The following GRIK2 variants were observed in gnomAD, a reference collection of about 807,000 sequenced individuals.
GRIK2 encodes glutamate ionotropic receptor kainate type subunit 2, also known as glutamate receptor ionotropic, kainate 2.
A neutral mutation model predicts 100.3 loss-of-function variants in GRIK2; 32 were observed. The ratio of observed to expected loss-of-function variants is 0.32; its 90% confidence interval spans 0.24 to 0.43. GRIK2 has a LOEUF of 0.43. GRIK2 is among the 20% of genes least tolerant of loss of function. The pLI, the probability that GRIK2 is intolerant of heterozygous loss-of-function variation, is 1.00. For missense variants in GRIK2, 843 were observed against 1,114.9 expected (o/e 0.76, Z 3.47); for synonymous variants, 417 against 389.4 (o/e 1.07, Z -0.83).
chr6:101,759,854 T>A (rs1409962404), intron 7 of GRIK2, among the ~76,000 whole-genome samples: 2 of 130,946 alleles, frequency 1.5e-5, no homozygotes, highest in African/African-American at 3.5e-5. Flanking sequence ...CATTTTATTT[T>A]TTTTATTTTT....
chr6:101,432,345 T>C lies in GRIK2; in HGVS notation c.115+32953T>C, dbSNP rs529834752. Among the ~76,000 whole-genome samples the C allele has an allele frequency of 5.3e-5, 8 of 152,322 alleles. No individual in the cohort carries two copies. In the South Asian group the frequency reaches 1.7e-3, roughly 32 times the overall value. The stretch of plus-strand genomic sequence containing the variant: ...GCTTACTAGAAAGATGAGTCTTTGC[T>C]CTTACGGAATTCTAGTGTCTTAATC... On this transcript the variant is annotated intron_variant, in intron 2 of 16. Coordinates refer to ENST00000369134, the MANE Select transcript of GRIK2 (RefSeq NM_021956.5).
chr6:101,442,475 T>A (rs1041555634), intron 2 of GRIK2, among the ~76,000 whole-genome samples: 2 of 152,138 alleles, frequency 1.3e-5, no homozygotes, highest in South Asian at 4.1e-4. Flanking sequence ...AGCCCTTTTT[T>A]ACTTGGCTGT....
intron 4 of GRIK2, among the ~76,000 whole-genome samples, chr6:101,632,048 C>T (rs1780767864): frequency 6.6e-6 from 1 of 152,060 alleles, no homozygotes; most frequent in East Asian, 1.9e-4. Context: ...TTCTGTTTAC[C>T]TGGGAAGCTC....
intron 11 of GRIK2, among the ~76,000 whole-genome samples, chr6:101,886,272 C>T (rs1786607684): frequency 6.6e-6 from 1 of 152,042 alleles, no homozygotes; most frequent in Non-Finnish European, 1.5e-5. Context: ...GGCTTGAAAG[C>T]TCATTTATTT....
intron 2 of GRIK2, among the ~76,000 whole-genome samples, chr6:101,490,854 G>T (rs1431729645): frequency 6.8e-6 from 1 of 146,482 alleles, no homozygotes; most frequent in Admixed American, 6.8e-5. Context: ...TCCTTCACAT[G>T]AAATTCTTTT....
chr6:101,932,749 G>A (rs1790370948), intron 14 of GRIK2, among the ~76,000 whole-genome samples: 2 of 151,730 alleles, frequency 1.3e-5, no homozygotes, highest in Admixed American at 6.6e-5. Context: ...TACATGTCTT[G>A]AGCTTGTGTT....
At chr6:101,408,432 G>C (rs1775703735) in intron 2 of GRIK2, among the ~76,000 whole-genome samples, 1 of 151,814 alleles carries the variant, frequency 6.6e-6, no homozygotes, top group Non-Finnish European at 1.5e-5. Flanking sequence ...TAAGTAATTG[G>C]CTTACATGAT....
intron 14 of GRIK2, among the ~76,000 whole-genome samples, chr6:101,975,916 G>C (rs1173541685): frequency 6.6e-6 from 1 of 151,600 alleles, no homozygotes; most frequent in Non-Finnish European, 1.5e-5. Flanking sequence ...AATTATGAAA[G>C]AGCAAGGAGA....
At chr6:101,510,510 G>GTTTTTT (rs142391999) in intron 2 of GRIK2, among the ~76,000 whole-genome samples, 5 of 94,368 alleles carry the variant, frequency 5.3e-5, no homozygotes, top group Non-Finnish European at 8.2e-5. Context: ...CAGTTGGGGA[G>GTTTTTT]TTTTTTTTTT....
At chr6:101,485,876 G>A (rs766610020) in intron 2 of GRIK2, among the ~76,000 whole-genome samples, 3 of 149,144 alleles carry the variant, frequency 2.0e-5, no homozygotes, top group Non-Finnish European at 4.4e-5. Flanking sequence ...TTTCTGGTTG[G>A]TATAAAACGT....
intron 7 of GRIK2, among the ~76,000 whole-genome samples, chr6:101,700,739 A>G (rs1164580802): frequency 6.6e-6 from 1 of 152,078 alleles, no homozygotes; most frequent in Non-Finnish European, 1.5e-5. Flanking sequence ...TTCCTGCCCT[A>G]TCCTGCTTCC....
At chr6:101,708,354 T>TAATC (rs35184417) in intron 7 of GRIK2, among the ~76,000 whole-genome samples, 39,789 of 151,290 alleles carry the variant, frequency 0.26, 6,273 homozygotes, top group East Asian at 0.43. Flanking sequence ...AAAATTATCT[T>TAATC]AGTTGCTTTT....
chr6:101,730,270 T>C (rs1366644620), intron 7 of GRIK2, among the ~76,000 whole-genome samples: 1 of 151,962 alleles, frequency 6.6e-6, no homozygotes, highest in Admixed American at 6.6e-5. Flanking sequence ...AGTCAGAAGC[T>C]AAAGTATATT....
At chr6:102,053,730 G>C (rs954764) in intron 15 of GRIK2, among the ~76,000 whole-genome samples, 9 of 152,066 alleles carry the variant, frequency 5.9e-5, no homozygotes, top group African/African-American at 2.2e-4. Flanking sequence ...TAAATGGATG[G>C]ATGGACTGAT....
chr6:101,836,790 C>T (rs1468666404), intron 10 of GRIK2, among the ~76,000 whole-genome samples: 6 of 150,482 alleles, frequency 4.0e-5, no homozygotes, highest in East Asian at 2.0e-4. Flanking sequence ...CTCAGCCTCC[C>T]GAGTAGCTGG....
chr6:101,491,169 A>G (rs1276756051), intron 2 of GRIK2, among the ~76,000 whole-genome samples: 1 of 151,912 alleles, frequency 6.6e-6, no homozygotes, highest in African/African-American at 2.4e-5. Flanking sequence ...TCAAGTGGCT[A>G]ATATGAATGA....
At chr6:101,927,073 GT>G (rs201423700) in intron 13 of GRIK2, among the ~76,000 whole-genome samples, 1 of 151,064 alleles carries the variant, frequency 6.6e-6, no homozygotes. Flanking sequence ...GTACTTTTCT[GT>G]TTTTTTTTCC....
chr6:101,400,679 TC>T (rs1332434670), intron 2 of GRIK2, among the ~76,000 whole-genome samples: 1 of 152,114 alleles, frequency 6.6e-6, no homozygotes, highest in Non-Finnish European at 1.5e-5. Flanking sequence ...GTGTGTTTTA[TC>T]CCCCCAATGA....
intron 14 of GRIK2, among the ~76,000 whole-genome samples, chr6:101,955,773 T>C (rs1791897520): frequency 6.6e-6 from 1 of 152,136 alleles, no homozygotes. Flanking sequence ...CATCTCACTT[T>C]CATTTCTGAT....
Sources: allele counts gnomAD v4.1 joint callset (sites outside exome capture counted in the v4.1 genomes callset), GRCh38; gene constraint gnomAD v4.1.1; transcripts MANE v1.5; gene names NCBI Gene and HGNC (gene_info 2026-07-23, HGNC 2026-07-21).